ADD3: variants seen among roughly 807,000 people sequenced by gnomAD.
The protein encoded by ADD3 is adducin 3, also known as gamma-adducin.
In ADD3, 25 loss-of-function variants were observed where a neutral mutation model predicts 80.2. That is an observed-to-expected ratio of 0.31 (90% CI 0.23 to 0.44). The LOEUF (loss-of-function observed/expected upper bound fraction) is 0.44. Among genes scored for constraint, ADD3 ranks in the 20% least tolerant of loss-of-function variants. The pLI, the probability that ADD3 is intolerant of heterozygous loss-of-function variation, is 1.00. For missense variants in ADD3, 829 were observed against 847.5 expected (o/e 0.98, Z 0.27); for synonymous variants, 284 against 289.6 (o/e 0.98, Z 0.20).
intron 1 of ADD3, among the ~76,000 whole-genome samples, chr10:110,025,828 A>C (rs1297506306): frequency 1.3e-5 from 2 of 152,018 alleles, no homozygotes; most frequent in Non-Finnish European, 2.9e-5. Flanking sequence ...ATTCCACCTG[A>C]CCTTCCCTAG....
intron 1 of ADD3, among the ~76,000 whole-genome samples, chr10:110,057,593 G>A (rs1345537953): frequency 6.6e-6 from 1 of 152,090 alleles, no homozygotes; most frequent in East Asian, 1.9e-4. Context: ...TGCAGTCTGG[G>A]TACTGGGATT....
chr10:110,046,103 C>G (rs1055922429), intron 1 of ADD3, among the ~76,000 whole-genome samples: 1 of 152,130 alleles, frequency 6.6e-6, no homozygotes, highest in African/African-American at 2.4e-5. Flanking sequence ...TCATGACATT[C>G]TAAGAAAAAG....
At chr10:110,111,553 A>ACCCAC (rs1353842923) in intron 2 of ADD3, among the ~76,000 whole-genome samples, 2 of 151,930 alleles carry the variant, frequency 1.3e-5, no homozygotes, top group African/African-American at 4.8e-5. Flanking sequence ...CCACTACCTC[A>ACCCAC]CCCACCCCAC....
chr10:110,041,984 T>A lies in ADD3; in HGVS notation c.-30+33685T>A, dbSNP rs567821742. ...GAATTCAAATAAAATATTCTAAAGT[T>A]GGTAGCGTCTCTTGGGATCCGTGAC... On this transcript the variant is annotated intron_variant, in intron 1 of 14. Coordinates refer to ENST00000356080, the MANE Select transcript of ADD3 (RefSeq NM_016824.5). Among the ~76,000 whole-genome samples, 9 of 152,376 alleles carry A rather than the reference T, an allele frequency of 5.9e-5. No individual in the cohort carries two copies. In the South Asian group the frequency reaches 1.7e-3, roughly 28 times the overall value.
chr10:110,030,847 C>T (rs1854921875), intron 1 of ADD3, among the ~76,000 whole-genome samples: 1 of 151,602 alleles, frequency 6.6e-6, no homozygotes. Flanking sequence ...AGAGCTATTG[C>T]CTACAAGCAA....
chr10:110,086,114 G>GAAAGAA (rs1846706574), intron 1 of ADD3, among the ~76,000 whole-genome samples: 1 of 145,686 alleles, frequency 6.9e-6, no homozygotes, highest in Non-Finnish European at 1.5e-5. Context: ...CTCAGAAACA[G>GAAAGAA]AAAGAAAAAG....
rs1471373753 is a variant in ADD3, at chr10:110,133,508, G to T, written c.2011G>T (p.Val671Phe). 1.2e-6 allele frequency: 2 copies of T among 1,613,778 alleles called. No individual in the cohort carries two copies. The highest frequency in any genetic ancestry group is 2.7e-5 in the African/African-American group (2 of 75,044). Residue 671 changes from valine to phenylalanine, a missense_variant, in exon 15 of 15, where the codon GTC becomes TTC. Val to Phe is a conservative substitution (Grantham distance 50). Transcript: ENST00000356080. ...TIKSPEKIEE[V>F]LSPEGSPSKS... ...TAAGTCTCCAGAGAAAATCGAAGAA[G>T]TCCTGTCACCTGAAGGCTCCCCTTC...
intron 9 of ADD3, chr10:110,123,814 TA>T: frequency 1.8e-6 from 1 of 560,444 alleles, no homozygotes; most frequent in South Asian, 2.3e-5. Context: ...TATCAGCTGT[TA>T]TCAGCTCTAA....
intron 2 of ADD3, among the ~76,000 whole-genome samples, chr10:110,106,797 A>G (rs1311188804): frequency 6.6e-6 from 1 of 152,102 alleles, no homozygotes; most frequent in Non-Finnish European, 1.5e-5. Context: ...TAAGTTTTCA[A>G]GTAGGATTTT....
upstream of ADD3, among the ~76,000 whole-genome samples, chr10:110,007,358 A>G (rs1016425378): frequency 1.3e-5 from 2 of 152,202 alleles, no homozygotes; most frequent in South Asian, 2.1e-4. Flanking sequence ...TGCTGAGAGC[A>G]AAGTCCAGGC....
At chr10:110,064,073 G>A (rs1232418337) in intron 1 of ADD3, among the ~76,000 whole-genome samples, 1 of 151,790 alleles carries the variant, frequency 6.6e-6, no homozygotes, top group African/African-American at 2.4e-5. Context: ...GTTGTTAAAT[G>A]TAACAGTAAT....
At chr10:110,005,288 C>A (rs1851582314), upstream of ADD3, among the ~76,000 whole-genome samples, 1 of 151,924 alleles carries the variant, frequency 6.6e-6, no homozygotes, top group South Asian at 2.1e-4. Flanking sequence ...TCTTGAACTC[C>A]TGACCTCGTG....
intron 1 of ADD3, among the ~76,000 whole-genome samples, chr10:110,048,353 G>C (rs185887443): frequency 3.3e-5 from 5 of 152,296 alleles, no homozygotes; most frequent in African/African-American, 1.2e-4. Flanking sequence ...CCAGGAGTGG[G>C]GTGCTGCTGT....
intron 1 of ADD3, among the ~76,000 whole-genome samples, chr10:110,056,705 T>C (rs1327085620): frequency 6.6e-6 from 1 of 152,226 alleles, no homozygotes; most frequent in Non-Finnish European, 1.5e-5. Context: ...CAGATTTGTC[T>C]AGTCAACACT....
intron 1 of ADD3, among the ~76,000 whole-genome samples, chr10:110,010,364 A>G (rs1475290373): frequency 1.3e-5 from 2 of 152,224 alleles, no homozygotes; most frequent in African/African-American, 4.8e-5. Flanking sequence ...ATGTCATCAG[A>G]GTATAAGAAG....
intron 4 of ADD3, 144 bp from the exon 5 acceptor site, chr10:110,117,198 A>C (rs1314224986): frequency 3.9e-6 from 2 of 513,256 alleles, no homozygotes; most frequent in Non-Finnish European, 3.4e-6. Flanking sequence ...GGAAAGTTTC[A>C]TGTTGTAGAC....
At chr10:110,026,282 G>GTTTTTTTT (rs11395254) in intron 1 of ADD3, among the ~76,000 whole-genome samples, 2 of 135,692 alleles carry the variant, frequency 1.5e-5, no homozygotes, top group Non-Finnish European at 3.2e-5. Context: ...CAGTTTTCTT[G>GTTTTTTTT]TTTTTTTTTT....
intron 1 of ADD3, among the ~76,000 whole-genome samples, chr10:110,044,188 C>T (rs181628077): frequency 2.7e-4 from 41 of 152,150 alleles, no homozygotes; most frequent in South Asian, 8.3e-4. Context: ...GGTGACAGAG[C>T]GAGACTCTGT....
chr10:110,068,400 A>G lies in ADD3; in HGVS notation c.-29-32225A>G, dbSNP rs1232980455. ...ACAGATTGAAAATATTAGAGTAAAA[A>G]TACAGAATAACTACTTACATAGCAT... On this transcript the variant is annotated intron_variant, in intron 1 of 14. Transcript: ENST00000356080. Among the ~76,000 whole-genome samples the G allele has an allele frequency of 2.0e-5, 3 of 152,230 alleles. No individual in the cohort carries two copies. The East Asian group carries it at 5.8e-4, about 29-fold the overall frequency.
Sources: allele counts gnomAD v4.1 joint callset (sites outside exome capture counted in the v4.1 genomes callset), GRCh38; gene constraint gnomAD v4.1.1; transcripts MANE v1.5; gene names NCBI Gene and HGNC (gene_info 2026-07-23, HGNC 2026-07-21).